Variants in ACBD6 observed in about 807,000 individuals in gnomAD.
ACBD6 encodes acyl-CoA-binding domain-containing protein 6.
In ACBD6, 28 loss-of-function variants were observed where a neutral mutation model predicts 37.2. The observed-to-expected ratio is 0.75, with a 90% confidence interval of 0.56 to 1.03. ACBD6 has a LOEUF of 1.03. Among genes scored for constraint, ACBD6 ranks in the 50% least tolerant of loss-of-function variants. ACBD6 has a pLI of 0.00. For missense variants in ACBD6, 340 were observed against 337.4 expected (o/e 1.01, Z -0.06); for synonymous variants, 113 against 126.8 (o/e 0.89, Z 0.73).
At chr1:180,323,370 G>T (rs1289660156) in intron 6 of ACBD6, among the ~76,000 whole-genome samples, 1 of 152,050 alleles carries the variant, frequency 6.6e-6, no homozygotes, top group East Asian at 1.9e-4. Flanking sequence ...AGAAGAATGT[G>T]TACTGTACAG....
chr1:180,274,706 CT>C (rs1167227803), exon 10 of ACBD6: 16 of 1,142,236 alleles, frequency 1.4e-5, no homozygotes, highest in Middle Eastern at 5.9e-4. Flanking sequence ...AATGGAAGTC[CT>C]CCGCTGATTC....
intron 1 of ACBD6, among the ~76,000 whole-genome samples, chr1:180,497,235 T>C (rs1045778219): frequency 9.9e-5 from 15 of 152,232 alleles, no homozygotes; most frequent in African/African-American, 3.4e-4. Context: ...ATTTCTCCTA[T>C]AGTAACAGAA....
intron 6 of ACBD6, among the ~76,000 whole-genome samples, chr1:180,347,315 A>G (rs1043131198): frequency 2.7e-5 from 4 of 150,746 alleles, no homozygotes; most frequent in African/African-American, 9.7e-5. Flanking sequence ...TAGGAAGAGT[A>G]TGAGAAAATT....
intron 6 of ACBD6, among the ~76,000 whole-genome samples, chr1:180,395,946 A>G (rs908211256): frequency 9.9e-5 from 15 of 152,240 alleles, no homozygotes; most frequent in Non-Finnish European, 1.9e-4. Flanking sequence ...GTAAATACAT[A>G]CAAATAATAT....
intron 6 of ACBD6, among the ~76,000 whole-genome samples, chr1:180,354,347 A>G (rs16855855): frequency 0.052 from 7,907 of 152,258 alleles, 660 homozygotes; most frequent in African/African-American, 0.17. Context: ...TAATTTATTC[A>G]TAACTATTTG....
rs149715330 is a variant in ACBD6 at position 180,412,062 on chromosome 1, G to C, written c.573+1304C>G. On this transcript the variant is annotated intron_variant, in intron 5 of 7. Transcript: ENST00000367595. ...CACTTTATTGCAGTGGTCTGGAACT[G>C]AATCTGCAATATTTCAGAGGTATGC... 5.6e-3 allele frequency among the ~76,000 whole-genome samples: 826 copies of C among 147,658 alleles called. 7 individuals are homozygous for C. Among genetic ancestry groups the C allele is most frequent in the African/African-American group, 0.02 (782 of 39,824 alleles).
At chr1:180,413,329 G>T in intron 5 of ACBD6, 37 bp downstream of exon 5, 1 of 1,516,878 alleles carries the variant, frequency 6.6e-7, no homozygotes, top group Non-Finnish European at 9.2e-7. Context: ...GAACAACCAT[G>T]CATAGGAAAA....
Position 180,320,483 on chromosome 1 carries a change from A to T in ACBD6, c.664-5761T>A, listed in dbSNP as rs75630529. Among the ~76,000 whole-genome samples, 640 of 133,764 alleles carry T rather than the reference A, an allele frequency of 4.8e-3. 8 individuals are homozygous for T. The highest frequency in any genetic ancestry group is 4.2e-3 in the Admixed American group (52 of 12,334). 87.8% of individuals were successfully genotyped at this position (133,764 alleles called of 152,430 possible). On this transcript the variant is annotated intron_variant, in intron 6 of 7. Transcript: ENST00000367595. Reference sequence around the variant, plus strand: ...AAACCCCATCTCTATTAAAAAATATAAAAAAATTAGCCACGCACAGTGGCT... The same window carrying T: ...AAACCCCATCTCTATTAAAAAATATTAAAAAATTAGCCACGCACAGTGGCT...
At chr1:180,480,880 A>C (rs1651009290) in intron 3 of ACBD6, among the ~76,000 whole-genome samples, 1 of 152,054 alleles carries the variant, frequency 6.6e-6, no homozygotes, top group African/African-American at 2.4e-5. Context: ...AAAATACAAA[A>C]ATTAACTGGG....
intron 4 of ACBD6, among the ~76,000 whole-genome samples, chr1:180,423,395 T>C (rs1648453192): frequency 6.6e-6 from 1 of 152,212 alleles, no homozygotes; most frequent in Non-Finnish European, 1.5e-5. Context: ...TGTCATATGA[T>C]AATGGCAACA....
chr1:180,347,223 A>C (rs577343318), intron 6 of ACBD6, among the ~76,000 whole-genome samples: 2 of 152,188 alleles, frequency 1.3e-5, no homozygotes. Context: ...GTAACTTGAA[A>C]TCATGTCATG....
chr1:180,317,478 T>A (rs1045825728), intron 6 of ACBD6, among the ~76,000 whole-genome samples: 2 of 152,150 alleles, frequency 1.3e-5, no homozygotes. Flanking sequence ...GAACTGTACA[T>A]GTAAAAATGG....
intron 7 of ACBD6, among the ~76,000 whole-genome samples, chr1:180,294,473 G>C (rs2149279995): frequency 6.6e-6 from 1 of 152,122 alleles, no homozygotes; most frequent in Non-Finnish European, 1.5e-5. Flanking sequence ...GGGAGGTGGA[G>C]CCTGAAGTGT....
chr1:180,301,457 A>C (rs1268036219), intron 7 of ACBD6, among the ~76,000 whole-genome samples: 1 of 152,200 alleles, frequency 6.6e-6, no homozygotes, highest in Non-Finnish European at 1.5e-5. Flanking sequence ...CTATTAAGAA[A>C]ATCATAAGAT....
chr1:180,501,919 C>A (rs12723183), intron 1 of ACBD6, 126 bp downstream of exon 1: 341,382 of 730,518 alleles, frequency 0.47, 61,473 homozygotes, highest in South Asian at 0.54. Context: ...AAAAAAAAAA[C>A]AAAACAAAAT....
chr1:180,463,680 G>A lies in ACBD6; in HGVS notation c.384+28589C>T, dbSNP rs186788596. ...GAAACTATTTCAAAAAAACTGAAAAGGAGGGAGTCCTCCCTAACTCATTCC... is the reference window on the plus strand; with the variant it reads ...GAAACTATTTCAAAAAAACTGAAAAAGAGGGAGTCCTCCCTAACTCATTCC... On this transcript the variant is annotated intron_variant, in intron 3 of 7. Transcript: ENST00000367595. Among the ~76,000 whole-genome samples the A allele has an allele frequency of 3.4e-4, 52 of 152,254 alleles. 1 individual carries two copies. In the East Asian group the frequency reaches 9.1e-3, roughly 27 times the overall value.
chr1:180,495,444 T>G lies in ACBD6; in HGVS notation c.287+17A>C. ...CCATTTCCAACAACCTCATTAAAGA[T>G]TCCAGGAATTTCTTACCATTTTTGC... On this transcript the variant is annotated intron_variant, in intron 2 of 7. Transcript: ENST00000367595. The G allele has an allele frequency of 6.3e-7, 1 of 1,578,378 alleles. No homozygotes were observed. Among genetic ancestry groups the G allele is most frequent in the Non-Finnish European group, 8.6e-7 (1 of 1,156,170 alleles).
chr1:180,397,619 A>C lies in ACBD6; in HGVS notation c.574-14T>G. The C allele has an allele frequency of 6.3e-7, 1 of 1,597,982 alleles. No homozygotes were observed. Among genetic ancestry groups the C allele is most frequent in the Non-Finnish European group, 8.6e-7 (1 of 1,165,196 alleles). On this transcript the variant is annotated splice_polypyrimidine_tract_variant and intron_variant, in intron 5 of 7. Coordinates refer to ENST00000367595, the MANE Select transcript of ACBD6 (RefSeq NM_032360.4). ...TAGAGCCCTACCCTAAAAACACAGA[A>C]GATAAATGAATTTGTTATCTCAGTT...
chr1:180,396,582 C>T (rs192828665), intron 6 of ACBD6, among the ~76,000 whole-genome samples: 6 of 152,208 alleles, frequency 3.9e-5, no homozygotes, highest in African/African-American at 1.4e-4. Context: ...ATATAAAGCA[C>T]TCCTACAACT....
Sources: allele counts gnomAD v4.1 joint callset (sites outside exome capture counted in the v4.1 genomes callset), GRCh38; gene constraint gnomAD v4.1.1; transcripts MANE v1.5; gene names NCBI Gene and HGNC (gene_info 2026-07-23, HGNC 2026-07-21).